The following CERT1 variants were observed in gnomAD, a reference collection of about 807,000 sequenced individuals.
CERT1 encodes the protein ceramide transfer protein.
Under a neutral mutation model 87.9 loss-of-function variants are expected in CERT1, and 31 were observed. The observed-to-expected ratio is 0.35, with a 90% confidence interval of 0.27 to 0.48. The LOEUF is 0.48. Among genes scored for constraint, CERT1 ranks in the 20% least tolerant of loss-of-function variants. The pLI, the probability that CERT1 is intolerant of heterozygous loss-of-function variation, is 0.99. For synonymous variants in CERT1, 289 were observed against 250.9 expected, an observed-to-expected ratio of 1.15 and a Z score of -1.44; for missense variants, 487 against 758.0, an observed-to-expected ratio of 0.64 and a Z score of 4.20.
chr5:75,509,620 C>T (rs1253032061), intron 1 of CERT1, among the ~76,000 whole-genome samples: 2 of 151,962 alleles, frequency 1.3e-5, no homozygotes, highest in Non-Finnish European at 2.9e-5. Flanking sequence ...CCCGGTCACT[C>T]CACTCCCCCA....
intron 3 of CERT1, among the ~76,000 whole-genome samples, chr5:75,429,846 A>G (rs1213194399): frequency 6.7e-6 from 1 of 148,838 alleles, no homozygotes; most frequent in Non-Finnish European, 1.5e-5. Context: ...AAAAAATGAA[A>G]AAAAAAAAAA....
intron 5 of CERT1, among the ~76,000 whole-genome samples, chr5:75,419,797 T>C (rs2112160834): frequency 6.6e-6 from 1 of 152,254 alleles, no homozygotes; most frequent in South Asian, 2.1e-4. Context: ...TTAAACCATA[T>C]TCACTCTCAT....
chr5:75,437,591 C>A (rs1764147877), intron 3 of CERT1, among the ~76,000 whole-genome samples: 1 of 151,786 alleles, frequency 6.6e-6, no homozygotes, highest in African/African-American at 2.4e-5. Context: ...TATGGCAAAA[C>A]CCAGTCTCTA....
intron 2 of CERT1, among the ~76,000 whole-genome samples, chr5:75,482,902 C>T (rs906542018): frequency 4.6e-5 from 7 of 151,848 alleles, no homozygotes; most frequent in African/African-American, 1.7e-4. Flanking sequence ...CTTGGAAAAC[C>T]TTCCTAAGAA....
intron 3 of CERT1, among the ~76,000 whole-genome samples, chr5:75,435,102 C>A (rs1257824692): frequency 6.6e-6 from 1 of 152,052 alleles, no homozygotes; most frequent in Non-Finnish European, 1.5e-5. Context: ...TTGATGTAGG[C>A]ATATTTTTTG....
chr5:75,393,066 C>T (rs76567714), intron 11 of CERT1, among the ~76,000 whole-genome samples: 11,568 of 147,888 alleles, frequency 0.078, 539 homozygotes, highest in South Asian at 0.17. Flanking sequence ...ACAAATATAG[C>T]CAAATTTACC....
intron 8 of CERT1, among the ~76,000 whole-genome samples, chr5:75,405,744 A>G (rs757503734): frequency 2.0e-5 from 3 of 152,198 alleles, no homozygotes; most frequent in Non-Finnish European, 2.9e-5. Flanking sequence ...ATACAGTACT[A>G]TAATTGTTCT....
chr5:75,485,331 A>AAAAAAAAAAC, intron 2 of CERT1, among the ~76,000 whole-genome samples: 1 of 148,992 alleles, frequency 6.7e-6, no homozygotes, highest in Non-Finnish European at 1.5e-5. Flanking sequence ...AAAAAAAAAA[A>AAAAAAAAAAC]AAAAAAGAAC....
chr5:75,503,411 T>C (rs567990897), intron 2 of CERT1, among the ~76,000 whole-genome samples: 2 of 152,124 alleles, frequency 1.3e-5, no homozygotes, highest in Admixed American at 6.5e-5. Flanking sequence ...CCTATTAAAA[T>C]TTAATGAGGA....
intron 5 of CERT1, among the ~76,000 whole-genome samples, chr5:75,424,515 C>T (rs1381740519): frequency 2.0e-5 from 3 of 150,628 alleles, no homozygotes; most frequent in African/African-American, 4.9e-5. Flanking sequence ...GAGGTTGCAG[C>T]GAGCCGAGAT....
intron 17 of CERT1, chr5:75,370,785 C>G (rs1761051812): frequency 1.3e-5 from 2 of 151,958 alleles, no homozygotes; most frequent in Non-Finnish European, 2.9e-5. Context: ...AACCCTGTCT[C>G]TACTAAAAAT....
chr5:75,382,117 A>G (rs760014965), intron 14 of CERT1, 40 bp from the exon 15 acceptor site: 2 of 1,591,780 alleles, frequency 1.3e-6, no homozygotes, highest in East Asian at 2.2e-5. Flanking sequence ...CAGATCTAAC[A>G]TGGAACTAAC....
upstream of CERT1, chr5:75,511,692 G>T: frequency 1.3e-6 from 2 of 1,486,992 alleles, no homozygotes; most frequent in South Asian, 1.3e-5. Context: ...ACTACTCCCC[G>T]CCCCGTCCCC....
At chr5:75,381,255 G>A in intron 15 of CERT1, 54 bp from the exon 16 acceptor site, 2 of 1,602,988 alleles carry the variant, frequency 1.2e-6, no homozygotes, top group Non-Finnish European at 1.7e-6. Flanking sequence ...TGTAAACTCT[G>A]CTGGTCTAAT....
downstream of CERT1, chr5:75,375,796 C>T (rs1761278718): frequency 1.3e-5 from 2 of 149,550 alleles, no homozygotes; most frequent in Non-Finnish European, 3.0e-5. Flanking sequence ...GTTCGCTTTC[C>T]TAGGGTTTCA....
chr5:75,423,887 T>C (rs1763491995), intron 5 of CERT1, among the ~76,000 whole-genome samples: 1 of 151,798 alleles, frequency 6.6e-6, no homozygotes, highest in African/African-American at 2.4e-5. Context: ...AAAAATTTCA[T>C]CCAAAGAAGG....
chr5:75,403,993 TA>T (rs1172307543), intron 8 of CERT1, among the ~76,000 whole-genome samples: 1 of 152,194 alleles, frequency 6.6e-6, no homozygotes, highest in Non-Finnish European at 1.5e-5. Flanking sequence ...TGTATTATGA[TA>T]AAAGTAGAGA....
At chr5:75,466,785 C>T (rs1226247263) in intron 2 of CERT1, among the ~76,000 whole-genome samples, 1 of 152,226 alleles carries the variant, frequency 6.6e-6, no homozygotes, top group East Asian at 1.9e-4. Context: ...AACCACTTCT[C>T]TTTGTTGCTG....
At chr5:75,420,342 C>T (rs1281163362) in intron 5 of CERT1, among the ~76,000 whole-genome samples, 3 of 146,928 alleles carry the variant, frequency 2.0e-5, no homozygotes, top group African/African-American at 5.0e-5. Flanking sequence ...GATATGATAT[C>T]GACTGTTTTT....
Sources: allele counts gnomAD v4.1 joint callset (sites outside exome capture counted in the v4.1 genomes callset), GRCh38; gene constraint gnomAD v4.1.1; transcripts MANE v1.5; gene names NCBI Gene and HGNC (gene_info 2026-07-23, HGNC 2026-07-21).